Variants in DNAH12 observed in about 807,000 individuals in gnomAD.
The protein encoded by DNAH12 is dynein axonemal heavy chain 12, also known as axonemal beta dynein heavy chain 12.
DNAH12 carries 285 observed loss-of-function variants against 371.5 expected under a neutral mutation model. The observed-to-expected ratio is 0.77, with a 90% confidence interval of 0.70 to 0.85. DNAH12 has a LOEUF of 0.85. Among genes scored for constraint, DNAH12 ranks in the 40% least tolerant of loss-of-function variants. DNAH12 has a pLI of 0.00. For synonymous variants in DNAH12, 1,200 were observed against 1,213.0 expected (o/e 0.99, Z 0.22); for missense variants, 3,611 against 3,689.4 (o/e 0.98, Z 0.55).
Position 57,389,839 on chromosome 3 carries a change from T to TATATATATATATATATATATATATAA in DNAH12, c.7305+2032_7305+2033insTTATATATATATATATATATATATAT, listed in dbSNP as rs1326237791. ...GTGTGTGTGTATATATATATATATA[T>TATATATATATATATATATATATATAA]AATACTTTTTTTTTTGAAATGGAGT... On this transcript the variant is annotated intron_variant, in intron 45 of 73. Coordinates refer to ENST00000495027, the MANE Select transcript of DNAH12 (RefSeq NM_001366028.2). Among the ~76,000 whole-genome samples, 390 of 84,444 alleles carry TATATATATATATATATATATATATAA rather than the reference T, an allele frequency of 4.6e-3. 26 individuals are homozygous for TATATATATATATATATATATATATAA. Among genetic ancestry groups the TATATATATATATATATATATATATAA allele is most frequent in the African/African-American group, 4.9e-3 (142 of 28,830 alleles). The allele number at this position is 84,444 out of a possible 152,430, so 55.4% of individuals were successfully genotyped here. A position where few individuals can be genotyped will look rare whatever the true frequency, so the allele number is the denominator to read the frequency against.
At chr3:57,482,073 G>A (rs535235289) in intron 13 of DNAH12, among the ~76,000 whole-genome samples, 2,038 of 152,184 alleles carry the variant, frequency 0.013, 32 homozygotes, top group Non-Finnish European at 0.019. Context: ...TGACAAATGG[G>A]ATCTAATTAA....
intron 61 of DNAH12, 53 bp downstream of exon 61, chr3:57,334,729 A>T (rs2062184037): frequency 6.6e-7 from 1 of 1,513,852 alleles, no homozygotes; most frequent in Non-Finnish European, 8.8e-7. Context: ...TAAATTGAAG[A>T]ACAAGTTTAC....
intron 25 of DNAH12, among the ~76,000 whole-genome samples, chr3:57,449,686 C>T (rs997777566): frequency 6.6e-6 from 1 of 152,214 alleles, no homozygotes; most frequent in East Asian, 1.9e-4. Context: ...CCAGCTGGCC[C>T]GCAAGCGCCG....
intron 48 of DNAH12, 48 bp downstream of exon 48, chr3:57,385,301 A>G (rs1178282641): frequency 1.3e-5 from 2 of 152,206 alleles, no homozygotes; most frequent in Non-Finnish European, 2.9e-5. Flanking sequence ...GGCTAATTTT[A>G]CTTATTTCAA....
intron 59 of DNAH12, among the ~76,000 whole-genome samples, chr3:57,355,782 C>T (rs893269314): frequency 2.0e-5 from 3 of 152,144 alleles, no homozygotes; most frequent in Non-Finnish European, 4.4e-5. Flanking sequence ...GAAGGGATTT[C>T]AATCACTCAG....
chr3:57,468,869 T>G lies in DNAH12; in HGVS notation c.2216A>C (p.Lys739Thr). The change falls in exon 17 of 74, where the codon AAG (lysine) becomes ACG (threonine). Residue 739 changes from lysine (K) to threonine (T), a missense_variant. Coordinates refer to ENST00000495027, the MANE Select transcript of DNAH12 (RefSeq NM_001366028.2). ...CTTTCTTTTTTCTTGTAATTCTTTC[T>G]TTAGCTTCGTTTGGAAAAATTTTAG... ...KTLKFFQTKL[K>T]KELQEKRKAA... 1 of 1,526,440 alleles carries G rather than the reference T, an allele frequency of 6.6e-7. No homozygotes were observed. Among genetic ancestry groups the G allele is most frequent in the African/African-American group, 1.4e-5 (1 of 71,020 alleles). The allele number at this position is 1,526,440 out of a possible 1,614,324, so 94.6% of individuals were successfully genotyped here. A position where few individuals can be genotyped will look rare whatever the true frequency, so the allele number is the denominator to read the frequency against.
chr3:57,470,072 T>C (rs761674727), intron 16 of DNAH12, among the ~76,000 whole-genome samples: 3 of 152,156 alleles, frequency 2.0e-5, no homozygotes, highest in Non-Finnish European at 4.4e-5. Flanking sequence ...GAAATTAATC[T>C]ATTGTATTAA....
rs544469534 is a variant in DNAH12, at chr3:57,499,197, T to C, written c.1335+2124A>G. 4.6e-5 allele frequency among the ~76,000 whole-genome samples: 7 copies of C among 152,248 alleles called. No homozygotes were observed. The East Asian group carries it at 1.3e-3, about 29-fold the overall frequency. ...ATAGTAACAGAAAGCATGTCAGCAG[T>C]TTCCTGAGGTCAGAGTTGGGGAGAA... On this transcript the variant is annotated intron_variant, in intron 11 of 73. Coordinates refer to ENST00000495027, the MANE Select transcript of DNAH12 (RefSeq NM_001366028.2).
intron 62 of DNAH12, among the ~76,000 whole-genome samples, chr3:57,334,153 A>G (rs1465217872): frequency 6.6e-6 from 1 of 152,202 alleles, no homozygotes; most frequent in Non-Finnish European, 1.5e-5. Context: ...ATGCAAGGAG[A>G]TACCACGGCT....
intron 34 of DNAH12, among the ~76,000 whole-genome samples, chr3:57,426,136 G>A (rs2064761035): frequency 6.6e-6 from 1 of 152,160 alleles, no homozygotes; most frequent in South Asian, 2.1e-4. Flanking sequence ...TGTATACAAA[G>A]AAATGGAGAT....
chr3:57,515,449 C>CA (rs34361887), intron 4 of DNAH12, among the ~76,000 whole-genome samples: 92,613 of 151,678 alleles, frequency 0.61, 29,145 homozygotes, highest in South Asian at 0.68. Context: ...AACTGAACTT[C>CA]AAATTAATAA....
rs568060409 is a variant in DNAH12 at position 57,533,713 on chromosome 3, G to A, written c.170+8988C>T. Among the ~76,000 whole-genome samples, 18 of 152,314 alleles carry A rather than the reference G, an allele frequency of 1.2e-4. No individual in the cohort carries two copies. In the South Asian group the frequency reaches 1.9e-3, roughly 16 times the overall value. ...GTGCCCTATCCTAGTGTGACTGAGC[G>A]GGTATCCCAGATGCAAGACAAAATT... is the stretch of plus-strand genomic sequence containing the variant. On this transcript the variant is annotated intron_variant, in intron 2 of 73. Coordinates refer to ENST00000495027, the MANE Select transcript of DNAH12 (RefSeq NM_001366028.2).
chr3:57,357,382 G>A (rs1035180547), intron 58 of DNAH12, 34 bp from the exon 59 acceptor site: 5 of 152,050 alleles, frequency 3.3e-5, no homozygotes, highest in African/African-American at 1.2e-4. Flanking sequence ...TTAAGAAATA[G>A]GAAGAGTATT....
At chr3:57,534,681 G>T (rs1296981564) in intron 2 of DNAH12, among the ~76,000 whole-genome samples, 2 of 151,936 alleles carry the variant, frequency 1.3e-5, no homozygotes, top group Non-Finnish European at 2.9e-5. Flanking sequence ...GCTAATTTTT[G>T]TATTTTTAGT....
At chr3:57,489,484 G>C (rs911610331) in intron 12 of DNAH12, 25 bp downstream of exon 12, 3 of 1,483,626 alleles carry the variant, frequency 2.0e-6, no homozygotes, top group Non-Finnish European at 2.7e-6. Flanking sequence ...ATATAATTCT[G>C]AGCTTGGGAA....
intron 30 of DNAH12, 60 bp from the exon 31 acceptor site, chr3:57,433,888 T>C: frequency 7.4e-7 from 1 of 1,359,698 alleles, no homozygotes; most frequent in Non-Finnish European, 9.5e-7. Flanking sequence ...ATAATTTATA[T>C]CAGTATATAA....
intron 8 of DNAH12, among the ~76,000 whole-genome samples, chr3:57,506,106 A>G (rs1377929290): frequency 2.0e-5 from 3 of 152,136 alleles, no homozygotes; most frequent in Admixed American, 2.0e-4. Flanking sequence ...AACTTTTCAC[A>G]TTCTTTAGTA....
At chr3:57,407,539 A>G (rs910935412) in intron 40 of DNAH12, among the ~76,000 whole-genome samples, 18 of 152,192 alleles carry the variant, frequency 1.2e-4, no homozygotes, top group African/African-American at 4.1e-4. Context: ...AAATGGATGG[A>G]AGGATTCTAG....
intron 2 of DNAH12, among the ~76,000 whole-genome samples, chr3:57,537,638 T>TA (rs2069100842): frequency 2.0e-5 from 3 of 151,974 alleles, no homozygotes; most frequent in South Asian, 4.2e-4. Context: ...GCAGTTTTTT[T>TA]AAAAAACCTT....
Sources: allele counts gnomAD v4.1 joint callset (sites outside exome capture counted in the v4.1 genomes callset), GRCh38; gene constraint gnomAD v4.1.1; transcripts MANE v1.5; gene names NCBI Gene and HGNC (gene_info 2026-07-23, HGNC 2026-07-21).